PITRM1: variants seen among roughly 807,000 people sequenced by gnomAD.
The protein encoded by PITRM1 is presequence protease, mitochondrial.
A neutral mutation model predicts 129.9 loss-of-function variants in PITRM1; 100 were observed. That is an observed-to-expected ratio of 0.77 (90% CI 0.65 to 0.91). PITRM1 has a LOEUF of 0.91. Ranked by LOEUF, PITRM1 falls within the 40% of genes least tolerant of loss-of-function variation. The pLI is 0.00. For synonymous variants in PITRM1, 591 were observed against 508.8 expected, an observed-to-expected ratio of 1.16 and a Z score of -2.17; for missense variants, 1,471 against 1,318.3, an observed-to-expected ratio of 1.12 and a Z score of -1.79.
Position 3,158,368 on chromosome 10 carries a change from T to C in PITRM1, c.1137-215A>G, listed in dbSNP as rs138526536. Among the ~76,000 whole-genome samples the C allele has an allele frequency of 9.6e-3, 1,462 of 152,320 alleles. 24 individuals carry two copies. The highest frequency in any genetic ancestry group is 0.033 in the African/African-American group (1,392 of 41,566). On this transcript the variant is annotated intron_variant, in intron 10 of 26. Coordinates refer to ENST00000224949, the MANE Select transcript of PITRM1 (RefSeq NM_014889.4). ...AAATAAAATTTAAACTTTTGAGTTATGGCAGGATAAATATCAAAACAGAGA... is the reference window on the plus strand; with the variant it reads ...AAATAAAATTTAAACTTTTGAGTTACGGCAGGATAAATATCAAAACAGAGA...
intron 2 of PITRM1, among the ~76,000 whole-genome samples, chr10:3,167,465 G>C (rs911227904): frequency 3.9e-5 from 6 of 152,192 alleles, no homozygotes; most frequent in African/African-American, 1.2e-4. Flanking sequence ...CCGAGGCTCA[G>C]GGTGATGAAA....
intron 19 of PITRM1, 127 bp downstream of exon 19, chr10:3,147,445 T>C: frequency 8.6e-7 from 1 of 1,160,894 alleles, no homozygotes; most frequent in Non-Finnish European, 1.3e-6. Flanking sequence ...AACCAATTCT[T>C]CCCCATATTT....
rs1428554060 is a variant in PITRM1 at position 3,143,427 on chromosome 10, G to C, written c.2607C>G (p.Cys869Trp). The change falls in exon 23 of 27, where the codon TGC becomes TGG. Residue 869 changes from cysteine (C) to tryptophan (W), a missense_variant. Coordinates refer to ENST00000224949, the MANE Select transcript of PITRM1 (RefSeq NM_014889.4). The stretch of plus-strand genomic sequence containing the variant: ...GGTCCGTGTAGGGGACAGTTCGGAT[G>C]CATTCACCCACGTAATTCACCGGGA... ...MPFPVNYVGE[C>W]IRTVPYTDPD... The C allele has an allele frequency of 6.2e-7, 1 of 1,613,272 alleles. No individual in the cohort carries two copies. Among genetic ancestry groups the C allele is most frequent in the African/African-American group, 1.3e-5 (1 of 74,924 alleles).
chr10:3,138,876 G>C, intron 25 of PITRM1, 28 bp downstream of exon 25: 3 of 1,610,726 alleles, frequency 1.9e-6, no homozygotes, highest in Non-Finnish European at 2.5e-6. Context: ...GCTGTGGGTT[G>C]AGATTCTCAC....
At chr10:3,149,893 A>T (rs779741665) in intron 15 of PITRM1, 140 bp from the exon 16 acceptor site, 6 of 911,046 alleles carry the variant, frequency 6.6e-6, no homozygotes, top group Non-Finnish European at 1.0e-5. Context: ...AAATTTCCCA[A>T]TCATATTTTC....
At position 3,137,821 on chromosome 10, in the gene PITRM1, G is replaced by C; in HGVS notation, c.*210C>G. ...GTACAAAGTGAAAATTCTACATGGT[G>C]CATCTTTGGCGCTTCATGCATGATT... On this transcript the variant is annotated 3_prime_UTR_variant, in exon 27 of 27. Transcript: ENST00000224949. The C allele has an allele frequency of 1.8e-6, 1 of 560,196 alleles. No homozygotes were observed. The highest frequency in any genetic ancestry group is 3.2e-6 in the Non-Finnish European group (1 of 312,492). The allele number at this position is 560,196 out of a possible 1,614,324, so 34.7% of individuals were successfully genotyped here. A position where few individuals can be genotyped will look rare whatever the true frequency, so the allele number is the denominator to read the frequency against.
intron 6 of PITRM1, among the ~76,000 whole-genome samples, chr10:3,164,873 C>T (rs1842733093): frequency 6.6e-6 from 1 of 152,334 alleles, no homozygotes; most frequent in South Asian, 2.1e-4. Flanking sequence ...CCCCCATTTG[C>T]TCTGTATGCA....
chr10:3,138,585 T>C (rs1209274740), intron 25 of PITRM1: 2 of 603,084 alleles, frequency 3.3e-6, no homozygotes, highest in Non-Finnish European at 5.9e-6. Context: ...CTGATGATGC[T>C]GTGAGCAAAA....
intron 18 of PITRM1, 92 bp from the exon 19 acceptor site, chr10:3,147,829 T>TA: frequency 7.7e-7 from 1 of 1,305,824 alleles, no homozygotes; most frequent in Non-Finnish European, 1.1e-6. Flanking sequence ...CAGAGTACTT[T>TA]AACAACCAAA....
At chr10:3,142,813 C>A (rs1276702227) in intron 23 of PITRM1, among the ~76,000 whole-genome samples, 1 of 152,170 alleles carries the variant, frequency 6.6e-6, no homozygotes, top group Non-Finnish European at 1.5e-5. Context: ...TCCAGCCCTG[C>A]CATCTGCAGG....
At chr10:3,157,607 C>A in intron 11 of PITRM1, 76 bp from the exon 12 acceptor site, 1 of 945,206 alleles carries the variant, frequency 1.1e-6, no homozygotes. Flanking sequence ...TTTGGGAGGC[C>A]AAGGCAGGAG....
intron 14 of PITRM1, among the ~76,000 whole-genome samples, chr10:3,154,988 G>T (rs1429961629): frequency 2.0e-5 from 3 of 152,140 alleles, no homozygotes; most frequent in African/African-American, 7.2e-5. Flanking sequence ...AAACTATCCT[G>T]AATGAGGCTG....
In PITRM1 at chr10:3,170,123, T is replaced by C. The variant is rs143156932; in HGVS notation, c.140A>G (p.His47Arg). The C allele has an allele frequency of 7.4e-5, 120 of 1,613,538 alleles. No individual in the cohort carries two copies. In the African/African-American group the frequency reaches 1.2e-3, roughly 16 times the overall value. The change falls in exon 2 of 27, where the codon CAT (histidine) becomes CGT (arginine). Residue 47 changes from histidine (H) to arginine (R), a missense_variant. Coordinates refer to ENST00000224949, the MANE Select transcript of PITRM1 (RefSeq NM_014889.4). ...ALQYKLGDKI[H>R]GFTVNQVTSV... ...CCATACCTGGTTTACGGTGAATCCA[T>C]GGATCTTGTCTCCTAGTTTATACTG...
At position 3,140,700 on chromosome 10, in the gene PITRM1, G is replaced by C. The variant is rs1840099046; in HGVS notation, c.2758C>G (p.Leu920Val). ...AKLSHNGIFTLYSYRDPNTIE... is the reference protein window; with the variant it reads ...AKLSHNGIFTVYSYRDPNTIE... ...AGCAAAACTCACCTGTAAGAGTAAA[G>C]GGTGAAAATCCCATTGTGGCTGAGT... Residue 920 changes from leucine (L) to valine (V), a missense_variant, in exon 24 of 27, where the codon CTT becomes GTT. Physicochemically the swap from Leu to Val is conservative, Grantham distance 32 (BLOSUM62 1). Coordinates refer to ENST00000224949, the MANE Select transcript of PITRM1 (RefSeq NM_014889.4). 5 of 1,599,852 alleles carry C rather than the reference G, an allele frequency of 3.1e-6. No individual in the cohort carries two copies. The East Asian group carries it at 1.1e-4, about 36-fold the overall frequency.
At chr10:3,149,867 A>T in intron 15 of PITRM1, 114 bp from the exon 16 acceptor site, 2 of 1,085,948 alleles carry the variant, frequency 1.8e-6, no homozygotes, top group Non-Finnish European at 2.7e-6. Context: ...TTTAAGACTT[A>T]TACTAGAGTT....
intron 22 of PITRM1, 50 bp downstream of exon 22, chr10:3,144,242 T>C (rs368622374): frequency 6.5e-5 from 66 of 1,017,204 alleles, no homozygotes; most frequent in Non-Finnish European, 9.0e-5. Context: ...GACACAGCCA[T>C]GCAGGGAAGC....
In PITRM1 at chr10:3,158,909, C is replaced by G; in HGVS notation, c.1136+5G>C. 1.9e-6 allele frequency: 3 copies of G among 1,612,302 alleles called. No individual in the cohort carries two copies. Among genetic ancestry groups the G allele is most frequent in the Non-Finnish European group, 2.5e-6 (3 of 1,179,218 alleles). On this transcript the variant is annotated splice_donor_5th_base_variant and intron_variant, in intron 10 of 26. Coordinates refer to ENST00000224949, the MANE Select transcript of PITRM1 (RefSeq NM_014889.4). ...ACTACTGATCTAATCTAATCATAAACTCACCCAACATCAGGAGAAAAGTCT... is the reference window on the plus strand; with the variant it reads ...ACTACTGATCTAATCTAATCATAAAGTCACCCAACATCAGGAGAAAAGTCT...
At position 3,145,580 on chromosome 10, in the gene PITRM1, C is replaced by T. The variant is rs1564394729; in HGVS notation, c.2457+16G>A. 7.8e-6 allele frequency: 12 copies of T among 1,548,166 alleles called. No homozygotes were observed. Among genetic ancestry groups the T allele is most frequent in the African/African-American group, 1.4e-5 (1 of 73,060 alleles). On this transcript the variant is annotated intron_variant, in intron 21 of 26. Transcript: ENST00000224949. ...CCACCAGGCGCTCACCGGGCGCCAGCACCACCAGTGCATACCTCGACCGTG... is the reference window on the plus strand; with the variant it reads ...CCACCAGGCGCTCACCGGGCGCCAGTACCACCAGTGCATACCTCGACCGTG...
At chr10:3,163,459 A>C in intron 7 of PITRM1, 1 of 247,554 alleles carries the variant, frequency 4.0e-6, no homozygotes. Context: ...ATGTGAGGCA[A>C]CAGGCTGCGG....
Sources: gnomAD v4.1 joint callset for allele counts (sites outside exome capture counted in the v4.1 genomes callset) on GRCh38, gnomAD v4.1.1 for gene constraint, MANE v1.5 for transcripts, NCBI Gene and HGNC (gene_info 2026-07-23, HGNC 2026-07-21) for gene names.